Variants in MICAL3 observed in about 807,000 individuals in gnomAD.
The protein encoded by MICAL3 is microtubule associated monooxygenase, calponin and LIM domain containing 3, also known as [F-actin]-monooxygenase MICAL3.
In MICAL3, 62 loss-of-function variants were observed where a neutral mutation model predicts 207.4. The observed-to-expected ratio is 0.30, with a 90% confidence interval of 0.24 to 0.37. MICAL3 has a LOEUF of 0.37. Ranked by LOEUF, MICAL3 falls within the 10% of genes least tolerant of loss-of-function variation. The probability of loss-of-function intolerance (pLI) is 1.00; values close to 1 mark genes in which losing one functional copy is unlikely to be tolerated. For missense variants in MICAL3, 2,368 were observed against 2,635.6 expected (o/e 0.90, Z 2.22); for synonymous variants, 1,077 against 1,069.3 (o/e 1.01, Z -0.14).
intron 1 of MICAL3, among the ~76,000 whole-genome samples, chr22:18,000,768 G>A (rs1829606883): frequency 6.6e-6 from 1 of 152,308 alleles, no homozygotes; most frequent in South Asian, 2.1e-4. Context: ...CCCCACAAAC[G>A]GAAAGGCGCG....
rs1249028229 is a variant in MICAL3, at chr22:17,791,038, A to C, written c.5784T>G (p.Ser1928Arg). ...GTTCCCGGAGCTCCTGCTGCAGTCG[A>C]CTCTGCCGGTCTTCCAGCTCCAGCT... ...ARELELEDRQ[S>R]RLQQELRERM... The change falls in exon 31 of 32, where the codon AGT (serine) becomes AGG (arginine). Residue 1928 changes from serine (S) to arginine (R), a missense_variant. By Grantham distance (110) the Ser-to-Arg change is moderately radical. This residue lies in a region of MICAL3 where 1,770 missense variants were observed against 1,863.2 expected (regional missense o/e 0.95). Coordinates refer to ENST00000441493, the MANE Select transcript of MICAL3 (RefSeq NM_015241.3). 1.2e-6 allele frequency: 2 copies of C among 1,611,428 alleles called. No homozygotes were observed.
intron 1 of MICAL3, among the ~76,000 whole-genome samples, chr22:17,965,641 G>A (rs372956330): frequency 1.3e-5 from 2 of 152,156 alleles, no homozygotes; most frequent in Non-Finnish European, 2.9e-5. Context: ...GAGAGGCTAC[G>A]TAACTTGCCC....
intron 1 of MICAL3, among the ~76,000 whole-genome samples, chr22:17,976,807 C>CT (rs1210909450): frequency 0.018 from 2,443 of 133,712 alleles, 48 homozygotes; most frequent in Non-Finnish European, 0.03. Context: ...CTAGAGACTT[C>CT]TTCTTTTTTT....
intron 28 of MICAL3, among the ~76,000 whole-genome samples, chr22:17,809,935 C>G (rs1272312279): frequency 6.6e-6 from 1 of 151,852 alleles, no homozygotes; most frequent in African/African-American, 2.4e-5. Flanking sequence ...CTCACCCAGG[C>G]TGGAGTGCAA....
chr22:17,952,956 C>T (rs1184566188), intron 1 of MICAL3, among the ~76,000 whole-genome samples: 2 of 152,196 alleles, frequency 1.3e-5, no homozygotes, highest in African/African-American at 4.8e-5. Context: ...TGACTCGGAG[C>T]AGCTATCCAA....
chr22:17,851,797 G>C (rs1167591834), intron 19 of MICAL3, among the ~76,000 whole-genome samples: 2 of 152,228 alleles, frequency 1.3e-5, no homozygotes, highest in Non-Finnish European at 2.9e-5. Context: ...TCAAAGTTCT[G>C]AAAAGAGACT....
intron 14 of MICAL3, 45 bp downstream of exon 14, chr22:17,887,278 C>G (rs1181084661): frequency 1.9e-6 from 3 of 1,609,702 alleles, no homozygotes; most frequent in Non-Finnish European, 2.6e-6. Flanking sequence ...GCCATACATA[C>G]CTTGCCATTA....
intron 18 of MICAL3, among the ~76,000 whole-genome samples, chr22:17,865,324 T>C (rs1192730670): frequency 6.6e-6 from 1 of 152,118 alleles, no homozygotes; most frequent in Non-Finnish European, 1.5e-5. Flanking sequence ...CAAGGGGGAC[T>C]GACAGGCAGG....
At position 17,893,922 on chromosome 22, in the gene MICAL3, A is replaced by C; in HGVS notation, c.1450-18T>G. 6.6e-7 allele frequency: 1 copy of C among 1,517,570 alleles called. No homozygotes were observed. Among genetic ancestry groups the C allele is most frequent in the African/African-American group, 1.4e-5 (1 of 72,490 alleles). 94.0% of individuals were successfully genotyped at this position (1,517,570 alleles called of 1,614,324 possible). On this transcript the variant is annotated intron_variant, in intron 10 of 31. Transcript: ENST00000441493. ...TGGCGCACCTGGCAGAAATTTACAA[A>C]GTCAAACAGAAAGAAAATCAAATAT...
chr22:17,895,641 G>A (rs901478221), intron 9 of MICAL3, among the ~76,000 whole-genome samples: 5 of 151,810 alleles, frequency 3.3e-5, no homozygotes, highest in Admixed American at 1.3e-4. Flanking sequence ...GCACAAAACC[G>A]TGAGCGCCCA....
rs1013301652 is a variant in MICAL3 at position 17,982,112 on chromosome 22, A to T, written c.-75+42169T>A. Among the ~76,000 whole-genome samples, 11 of 78,310 alleles carry T rather than the reference A, an allele frequency of 1.4e-4. No individual in the cohort carries two copies. In the East Asian group the frequency reaches 1.8e-3, roughly 13 times the overall value. The allele number at this position is 78,310 out of a possible 152,430, so 51.4% of individuals were successfully genotyped here. On this transcript the variant is annotated intron_variant, in intron 1 of 31. Transcript: ENST00000441493. The stretch of plus-strand genomic sequence containing the variant: ...AGAGCAAGACCTTGTCTCAAAAAAT[A>T]AAAAAAAAAAAATTAATAAGAGGCT...
At chr22:17,951,193 G>A (rs186652342) in intron 1 of MICAL3, among the ~76,000 whole-genome samples, 4 of 152,252 alleles carry the variant, frequency 2.6e-5, no homozygotes, top group South Asian at 2.1e-4. Context: ...AAGGTCACCC[G>A]CAACCCTGCA....
intron 19 of MICAL3, among the ~76,000 whole-genome samples, chr22:17,842,681 A>G (rs567494012): frequency 6.6e-6 from 1 of 152,370 alleles, no homozygotes; most frequent in South Asian, 2.1e-4. Context: ...TGCGATGCAC[A>G]GGCACACTTC....
chr22:17,902,635 A>G lies in MICAL3; in HGVS notation c.585T>C (p.Asn195=). The change falls in exon 4 of 32, where the codon AAT becomes AAC. Residue 195 remains asparagine (N), a synonymous_variant. Coordinates refer to ENST00000441493, the MANE Select transcript of MICAL3 (RefSeq NM_015241.3). This position sits in a 1 kb window ranked among gnomAD's most constrained non-coding sequence, Gnocchi z 4.5. The stretch of plus-strand genomic sequence containing the variant: ...CACTCCTCCAGTATAACTTACGTTC[A>G]TTCTCTTGGTCCTCAGGAGGCTGTA... ...GLIQPPEDQE[N]ERIGWRALVH... 1.3e-6 allele frequency: 2 copies of G among 1,579,978 alleles called. No homozygotes were observed. Among genetic ancestry groups the G allele is most frequent in the Non-Finnish European group, 8.7e-7 (1 of 1,154,114 alleles).
intron 1 of MICAL3, among the ~76,000 whole-genome samples, chr22:17,989,831 C>T (rs527317636): frequency 1.3e-5 from 2 of 152,332 alleles, no homozygotes; most frequent in South Asian, 2.1e-4. Context: ...TGAACCAGTG[C>T]TTGGCATATA....
chr22:17,938,047 T>C (rs977960667), intron 1 of MICAL3, among the ~76,000 whole-genome samples: 3 of 152,198 alleles, frequency 2.0e-5, no homozygotes, highest in Admixed American at 6.5e-5. Context: ...ATAGTATCTA[T>C]CTTTATTTAT....
At chr22:17,876,780 G>C (rs1325580535) in intron 16 of MICAL3, 2 of 135,794 alleles carry the variant, frequency 1.5e-5, no homozygotes, top group Admixed American at 7.2e-5. Context: ...AGTTATGGAG[G>C]TTAGGGAGGT....
intron 1 of MICAL3, chr22:17,980,803 C>T: frequency 2.0e-6 from 1 of 492,772 alleles, no homozygotes; most frequent in South Asian, 1.4e-5. Flanking sequence ...CCCGTCTGCT[C>T]CTCTGCCTCA....
intron 22 of MICAL3, among the ~76,000 whole-genome samples, chr22:17,823,388 T>C (rs436087): frequency 0.74 from 111,965 of 152,250 alleles, 42,743 homozygotes; most frequent in African/African-American, 0.94. Context: ...GGAAATGCTG[T>C]TTCTCTGGGC....
Sources: allele counts gnomAD v4.1 joint callset (sites outside exome capture counted in the v4.1 genomes callset), GRCh38; gene constraint gnomAD v4.1.1; regional missense constraint gnomAD v4.1.1; non-coding constraint Gnocchi (gnomAD v3.1); transcripts MANE v1.5; gene names NCBI Gene and HGNC (gene_info 2026-07-23, HGNC 2026-07-21).